CNTN6: variants seen among roughly 807,000 people sequenced by gnomAD.
The protein encoded by CNTN6 is contactin 6.
A neutral mutation model predicts 122.8 loss-of-function variants in CNTN6; 137 were observed. The observed-to-expected ratio is 1.12, with a 90% CI of 0.97 to 1.29. CNTN6 has a LOEUF of 1.29. Among genes scored for constraint, CNTN6 ranks in the 50% most tolerant of loss-of-function variants. The pLI is 0.00. For missense variants in CNTN6, 1,634 were observed against 1,223.4 expected, an observed-to-expected ratio of 1.34 and a Z score of -5.01; for synonymous variants, 570 against 426.0, an observed-to-expected ratio of 1.34 and a Z score of -4.16.
chr3:1,157,509 G>A (rs778345699), intron 2 of CNTN6, among the ~76,000 whole-genome samples: 24 of 152,100 alleles, frequency 1.6e-4, no homozygotes, highest in Non-Finnish European at 2.9e-4. Flanking sequence ...AAGCCACCAC[G>A]CCTGGCCCTG....
At chr3:1,213,339 G>A (rs2094074861) in intron 2 of CNTN6, among the ~76,000 whole-genome samples, 1 of 151,852 alleles carries the variant, frequency 6.6e-6, no homozygotes, top group South Asian at 2.1e-4. Flanking sequence ...CTTTTTTTGT[G>A]TAGGAGGTAG....
In CNTN6 at chr3:1,102,651, C is replaced by T. The variant is rs9859770; in HGVS notation, c.-83+9531C>T. 5.7e-3 allele frequency among the ~76,000 whole-genome samples: 852 copies of T among 149,508 alleles called. 12 individuals are homozygous for T. Among genetic ancestry groups the T allele is most frequent in the African/African-American group, 0.02 (809 of 41,062 alleles). ...GCTGAGGCAGGAGAATGGCGGGAAC[C>T]CGGGGGGCGGAGCTTGCAGTGAGCA... On this transcript the variant is annotated intron_variant, in intron 1 of 22. Transcript: ENST00000446702.
At chr3:1,336,352 G>A (rs924273919) in intron 11 of CNTN6, among the ~76,000 whole-genome samples, 4 of 151,596 alleles carry the variant, frequency 2.6e-5, no homozygotes, top group African/African-American at 4.8e-5. Flanking sequence ...AATTGTCACC[G>A]ATTATATGAT....
intron 7 of CNTN6, among the ~76,000 whole-genome samples, chr3:1,300,285 G>A (rs887548020): frequency 2.0e-5 from 3 of 151,918 alleles, no homozygotes; most frequent in African/African-American, 4.8e-5. Flanking sequence ...TGCGCCGACC[G>A]CATTCTGCTT....
At chr3:1,116,698 C>CTTTTTTT (rs10594022) in intron 1 of CNTN6, among the ~76,000 whole-genome samples, 1 of 71,748 alleles carries the variant, frequency 1.4e-5, no homozygotes. Context: ...GTCATCAAAT[C>CTTTTTTT]TTTTTTTTTT....
intron 20 of CNTN6, among the ~76,000 whole-genome samples, chr3:1,393,571 AAAAG>A (rs1274243680): frequency 0.01 from 839 of 83,138 alleles, 9 homozygotes; most frequent in Middle Eastern, 0.062. Flanking sequence ...AAAAAAAAAA[AAAAG>A]AAACTCTTGT....
chr3:1,331,337 A>G (rs1041661751), intron 11 of CNTN6, among the ~76,000 whole-genome samples: 2 of 152,016 alleles, frequency 1.3e-5, no homozygotes, highest in African/African-American at 2.4e-5. Context: ...ATATCTGTGG[A>G]ATAAATGAAT....
chr3:1,386,590 T>G (rs1461519849), intron 20 of CNTN6, among the ~76,000 whole-genome samples: 1 of 152,204 alleles, frequency 6.6e-6, no homozygotes, highest in Admixed American at 6.5e-5. Flanking sequence ...TCATCCGACT[T>G]AGTTGTTCCT....
intron 1 of CNTN6, among the ~76,000 whole-genome samples, chr3:1,126,205 T>G (rs2092152745): frequency 6.6e-6 from 1 of 151,956 alleles, no homozygotes; most frequent in Admixed American, 6.6e-5. Flanking sequence ...CCTCCATTCC[T>G]CACTGGAAAA....
intron 2 of CNTN6, among the ~76,000 whole-genome samples, chr3:1,189,859 G>A (rs1249191136): frequency 6.6e-6 from 1 of 152,124 alleles, no homozygotes; most frequent in Non-Finnish European, 1.5e-5. Flanking sequence ...CTTTTTACAG[G>A]CAAACAAATT....
intron 4 of CNTN6, among the ~76,000 whole-genome samples, chr3:1,251,087 C>T (rs1341365413): frequency 3.9e-5 from 6 of 152,204 alleles, no homozygotes; most frequent in African/African-American, 7.2e-5. Context: ...CATAATACTC[C>T]TGTCGAATAT....
At position 1,403,383 on chromosome 3, in the gene CNTN6, A is replaced by T; in HGVS notation, c.3052A>T (p.Ile1018Phe). The change falls in exon 23 of 23, where the codon ATT becomes TTT. Residue 1018 changes from isoleucine (I) to phenylalanine (F), a missense_variant. Coordinates refer to ENST00000446702, the MANE Select transcript of CNTN6 (RefSeq NM_001289080.2). ...STHFLSIVIV[I>F]FHCFAIQPLI Reference sequence around the variant, plus strand: ...CCATTTTCTTTCCATTGTCATTGTGATTTTTCACTGTTTTGCTATTCAGCC... The same window carrying T: ...CCATTTTCTTTCCATTGTCATTGTGTTTTTTCACTGTTTTGCTATTCAGCC... 6.2e-7 allele frequency: 1 copy of T among 1,611,256 alleles called. No homozygotes were observed. The highest frequency in any genetic ancestry group is 8.5e-7 in the Non-Finnish European group (1 of 1,178,512).
chr3:1,390,789 G>T (rs552592990), intron 20 of CNTN6, among the ~76,000 whole-genome samples: 447 of 150,710 alleles, frequency 3.0e-3, no homozygotes, highest in Middle Eastern at 6.8e-3. Flanking sequence ...TCTATGCAAA[G>T]AAACTAGAAA....
At chr3:1,204,679 A>T (rs1270162850) in intron 2 of CNTN6, among the ~76,000 whole-genome samples, 3 of 152,160 alleles carry the variant, frequency 2.0e-5, no homozygotes, top group African/African-American at 7.2e-5. Context: ...TCTTGATTTG[A>T]GAGTGAAATT....
At chr3:1,134,282 C>G (rs1370915525) in intron 1 of CNTN6, among the ~76,000 whole-genome samples, 1 of 152,106 alleles carries the variant, frequency 6.6e-6, no homozygotes, top group Non-Finnish European at 1.5e-5. Context: ...AAATCTGAGA[C>G]CAGAGTTGTT....
Position 1,137,277 on chromosome 3 carries a change from C to G in CNTN6, c.-82-10650C>G, listed in dbSNP as rs6772064. Among the ~76,000 whole-genome samples the G allele has an allele frequency of 2.3e-3, 345 of 152,198 alleles. 3 individuals are homozygous for G. The highest frequency in any genetic ancestry group is 7.9e-3 in the African/African-American group (330 of 41,524). Reference sequence around the variant, plus strand: ...ACTTGTGTTAAAGGGCCAGTCACTCCGGATATTTGTTGTTGTTAATGCCTT... The same window carrying G: ...ACTTGTGTTAAAGGGCCAGTCACTCGGGATATTTGTTGTTGTTAATGCCTT... On this transcript the variant is annotated intron_variant, in intron 1 of 22. Transcript: ENST00000446702.
At chr3:1,197,397 C>A (rs1383351540) in intron 2 of CNTN6, among the ~76,000 whole-genome samples, 1 of 152,164 alleles carries the variant, frequency 6.6e-6, no homozygotes, top group Non-Finnish European at 1.5e-5. Flanking sequence ...ACTTGCTAAT[C>A]GGCCTTTGTG....
At chr3:1,233,628 G>C (rs139616774) in intron 4 of CNTN6, among the ~76,000 whole-genome samples, 22 of 150,914 alleles carry the variant, frequency 1.5e-4, no homozygotes, top group Non-Finnish European at 2.8e-4. Context: ...CCAGCTACTC[G>C]GGAGGCTGAG....
intron 2 of CNTN6, among the ~76,000 whole-genome samples, chr3:1,165,698 C>A (rs1446561574): frequency 6.6e-6 from 1 of 152,140 alleles, no homozygotes; most frequent in Non-Finnish European, 1.5e-5. Flanking sequence ...AGGCAATAAC[C>A]ATGAGATGTG....
Sources: allele counts gnomAD v4.1 joint callset (sites outside exome capture counted in the v4.1 genomes callset), GRCh38; gene constraint gnomAD v4.1.1; transcripts MANE v1.5; gene names NCBI Gene and HGNC (gene_info 2026-07-23, HGNC 2026-07-21).